AOAH: variants seen among roughly 807,000 people sequenced by gnomAD.
AOAH encodes the protein acyloxyacyl hydrolase, also known as acyloxyacyl hydrolase (neutrophil).
A neutral mutation model predicts 92.2 loss-of-function variants in AOAH; 64 were observed. That is an observed-to-expected ratio of 0.69 (90% CI 0.57 to 0.86). AOAH has a LOEUF of 0.86. Ranked by LOEUF, AOAH falls within the 40% of genes least tolerant of loss-of-function variation. The probability of loss-of-function intolerance (pLI) is 0.00; values close to 1 mark genes in which losing one functional copy is unlikely to be tolerated. For synonymous variants in AOAH, 263 were observed against 254.5 expected (o/e 1.03, Z -0.32); for missense variants, 656 against 694.6 (o/e 0.94, Z 0.62).
chr7:36,540,555 C>G, intron 15 of AOAH, 64 bp from the exon 16 acceptor site: 1 of 1,410,138 alleles, frequency 7.1e-7, no homozygotes. Flanking sequence ...GCAAGTTGCA[C>G]GCAAATACAA....
At chr7:36,660,825 T>C (rs1795176257) in intron 3 of AOAH, among the ~76,000 whole-genome samples, 1 of 152,240 alleles carries the variant, frequency 6.6e-6, no homozygotes, top group African/African-American at 2.4e-5. Flanking sequence ...TGAACAAGTA[T>C]AAACTCTTAT....
At chr7:36,637,772 C>CT in intron 5 of AOAH, 79 bp downstream of exon 5, 1 of 1,353,258 alleles carries the variant, frequency 7.4e-7, no homozygotes, top group African/African-American at 1.4e-5. Context: ...TAGTCCTTGC[C>CT]TTTGGGATGT....
chr7:36,720,413 T>C (rs1383069221), intron 1 of AOAH, among the ~76,000 whole-genome samples: 1 of 152,060 alleles, frequency 6.6e-6, no homozygotes, highest in African/African-American at 2.4e-5. Flanking sequence ...CCTCGTGATC[T>C]GCCCACCTCA....
intron 4 of AOAH, among the ~76,000 whole-genome samples, chr7:36,648,022 G>A (rs1338064332): frequency 5.3e-5 from 8 of 151,988 alleles, no homozygotes; most frequent in Admixed American, 1.3e-4. Flanking sequence ...GTAGAGATGG[G>A]GGTTTCACCA....
chr7:36,561,970 T>A (rs757031082), intron 13 of AOAH, among the ~76,000 whole-genome samples: 5 of 152,208 alleles, frequency 3.3e-5, no homozygotes, highest in Non-Finnish European at 7.4e-5. Context: ...CACAAACAGC[T>A]ACCCAAGGAG....
intron 13 of AOAH, among the ~76,000 whole-genome samples, chr7:36,556,770 G>C (rs1416555750): frequency 1.5e-5 from 2 of 136,264 alleles, no homozygotes; most frequent in Non-Finnish European, 3.2e-5. Context: ...ATCTTTGTTG[G>C]TTTAAAGTCT....
At position 36,521,968 on chromosome 7, in the gene AOAH, A is replaced by G. The variant is rs1277390756; in HGVS notation, c.1599+71T>C. The stretch of plus-strand genomic sequence containing the variant: ...AAACAGGATAAAAATAAACACATGA[A>G]TGTGTAACCATAATTAAAAACCAAC... On this transcript the variant is annotated intron_variant, in intron 20 of 20. Coordinates refer to ENST00000617537, the MANE Select transcript of AOAH (RefSeq NM_001637.4). 1.3e-5 allele frequency: 17 copies of G among 1,273,978 alleles called. No individual in the cohort carries two copies. The East Asian group carries it at 3.5e-4, about 26-fold the overall frequency. 78.9% of individuals were successfully genotyped at this position (1,273,978 alleles called of 1,614,324 possible).
intron 16 of AOAH, among the ~76,000 whole-genome samples, chr7:36,537,351 G>C (rs1393332207): frequency 6.6e-6 from 1 of 151,568 alleles, no homozygotes; most frequent in African/African-American, 2.4e-5. Flanking sequence ...GCCAGAGAGA[G>C]TCCACTTGAG....
At chr7:36,536,904 C>T (rs140630742) in intron 16 of AOAH, among the ~76,000 whole-genome samples, 2,591 of 138,464 alleles carry the variant, frequency 0.019, 87 homozygotes, top group African/African-American at 0.067. Flanking sequence ...GAGCTATGAT[C>T]GCACCACTGC....
chr7:36,704,271 GATTGCAAAA>G (rs1246909235), intron 1 of AOAH, among the ~76,000 whole-genome samples: 1 of 152,100 alleles, frequency 6.6e-6, no homozygotes, highest in African/African-American at 2.4e-5. Context: ...CAGATGGATA[GATTGCAAAA>G]ATTTTCTCCC....
intron 2 of AOAH, among the ~76,000 whole-genome samples, chr7:36,678,586 TGTGTGTGTGTGTGTGC>T (rs1562688042): frequency 2.2e-5 from 2 of 92,300 alleles, no homozygotes; most frequent in African/African-American, 6.2e-5. Context: ...TGTGTGTGTG[TGTGTGTGTGTGTGTGC>T]GCGCGCGCGC....
rs924200514 is a variant in AOAH at position 36,637,727 on chromosome 7, C to A, written c.450+124G>T. On this transcript the variant is annotated intron_variant, in intron 5 of 20. Coordinates refer to ENST00000617537, the MANE Select transcript of AOAH (RefSeq NM_001637.4). ...GTTCACATTCCTACTTCCATCCCCA[C>A]GTAGCTATGGCATGTTGCAGGCTTA... is the stretch of plus-strand genomic sequence containing the variant. The A allele has an allele frequency of 1.6e-5, 13 of 823,930 alleles. No homozygotes were observed. The East Asian group carries it at 2.1e-4, about 13-fold the overall frequency. The allele number at this position is 823,930 out of a possible 1,614,324, so 51.0% of individuals were successfully genotyped here.
intron 9 of AOAH, 56 bp from the exon 10 acceptor site, chr7:36,618,401 A>G (rs1055259580): frequency 1.7e-5 from 25 of 1,510,826 alleles, no homozygotes; most frequent in Middle Eastern, 1.8e-4. Context: ...TGAGATACAT[A>G]TACTAAAGCT....
chr7:36,525,007 A>T (rs1784330344), intron 19 of AOAH, among the ~76,000 whole-genome samples: 1 of 152,258 alleles, frequency 6.6e-6, no homozygotes, highest in Admixed American at 6.5e-5. Flanking sequence ...AAGACTTCAG[A>T]CAGAGCCTAC....
intron 3 of AOAH, among the ~76,000 whole-genome samples, chr7:36,668,840 T>TTAG (rs568263220): frequency 9.4e-4 from 143 of 152,390 alleles, no homozygotes; most frequent in African/African-American, 3.3e-3. Flanking sequence ...TTCAGTTTGT[T>TTAG]CAGCTTTTTA....
chr7:36,641,840 A>G (rs1263617620), intron 4 of AOAH, among the ~76,000 whole-genome samples: 2 of 152,186 alleles, frequency 1.3e-5, no homozygotes, highest in Non-Finnish European at 2.9e-5. Flanking sequence ...GACTGAACAG[A>G]GGAATGAGAA....
chr7:36,518,748 A>T (rs1463418602), intron 20 of AOAH, among the ~76,000 whole-genome samples: 3 of 152,236 alleles, frequency 2.0e-5, no homozygotes, highest in Admixed American at 2.0e-4. Flanking sequence ...CCAATGTATT[A>T]AGACAGTAAA....
At chr7:36,714,563 A>T (rs1421180614) in intron 1 of AOAH, among the ~76,000 whole-genome samples, 2 of 152,232 alleles carry the variant, frequency 1.3e-5, no homozygotes, top group Non-Finnish European at 2.9e-5. Flanking sequence ...ATGAACATCG[A>T]TGCAAAAATC....
At chr7:36,563,105 C>G (rs895702186) in intron 13 of AOAH, among the ~76,000 whole-genome samples, 9 of 131,320 alleles carry the variant, frequency 6.9e-5, no homozygotes, top group Non-Finnish European at 1.2e-4. Context: ...CGAGATCGTG[C>G]CACTGCACTC....
Sources: allele counts gnomAD v4.1 joint callset (sites outside exome capture counted in the v4.1 genomes callset), GRCh38; gene constraint gnomAD v4.1.1; transcripts MANE v1.5; gene names NCBI Gene and HGNC (gene_info 2026-07-23, HGNC 2026-07-21).